ZNF679: variants seen among roughly 807,000 people sequenced by gnomAD.
The protein encoded by ZNF679 is zinc finger protein 679, also known as hypothetical protein MGC42415.
In ZNF679, 10 loss-of-function variants were observed where a neutral mutation model predicts 13.4. The observed-to-expected ratio is 0.75, with a 90% confidence interval of 0.46 to 1.27. The LOEUF is 1.27. Among genes scored for constraint, ZNF679 ranks in the 50% most tolerant of loss-of-function variants. ZNF679 has a pLI of 0.00. For missense variants in ZNF679, 525 were observed against 477.8 expected, an observed-to-expected ratio of 1.10 and a Z score of -0.92; for synonymous variants, 179 against 162.5, an observed-to-expected ratio of 1.10 and a Z score of -0.77.
intron 1 of ZNF679, among the ~76,000 whole-genome samples, chr7:64,235,737 C>A (rs1051574392): frequency 6.6e-6 from 1 of 150,708 alleles, no homozygotes; most frequent in Admixed American, 6.6e-5. Context: ...TGCCATGAGC[C>A]GAGATCATGC....
chr7:64,254,522 G>T (rs1237518942), intron 2 of ZNF679, among the ~76,000 whole-genome samples: 1 of 151,410 alleles, frequency 6.6e-6, no homozygotes, highest in Non-Finnish European at 1.5e-5. Context: ...ACTGTTTCTT[G>T]GTTGCATGTT....
rs113389390 is a variant in ZNF679, at chr7:64,235,988, C to T, written c.-91+7336C>T. 0.015 allele frequency among the ~76,000 whole-genome samples: 2,285 copies of T among 152,100 alleles called. 102 individuals carry two copies. In the East Asian group the frequency reaches 0.16, roughly 11 times the overall value. On this transcript the variant is annotated intron_variant, in intron 1 of 4. Coordinates refer to ENST00000421025, the MANE Select transcript of ZNF679 (RefSeq NM_153363.3). ...TTTCTTTTTTTAAAAAAGAAGAGGC[C>T]GGGCGTGGTGCCTCACGCCTGTAAT...
chr7:64,228,882 T>TC (rs1787597577), intron 1 of ZNF679, among the ~76,000 whole-genome samples: 2 of 152,216 alleles, frequency 1.3e-5, no homozygotes, highest in Non-Finnish European at 1.5e-5. Context: ...ACCTCAACAG[T>TC]GAGCTGTGTC....
Position 64,266,660 on chromosome 7 carries a change from A to G in ZNF679, c.1027A>G (p.Lys343Glu). 6.2e-7 allele frequency: 1 copy of G among 1,613,776 alleles called. No homozygotes were observed. The highest frequency in any genetic ancestry group is 1.6e-4 in the Middle Eastern group (1 of 6,062). The change falls in exon 5 of 5, where the codon AAG (lysine) becomes GAG (glutamate). Residue 343 changes from lysine to glutamate, a missense_variant. By Grantham distance (56) the Lys-to-Glu change is moderately conservative (BLOSUM62 1). Coordinates refer to ENST00000421025, the MANE Select transcript of ZNF679 (RefSeq NM_153363.3). ...CTGCTCCTCAACCCTTAAGAAACAT[A>G]AGATAATTCATACTGGAGAGAAACC... ...FNCSSTLKKH[K>E]IIHTGEKPYK...
intron 2 of ZNF679, among the ~76,000 whole-genome samples, chr7:64,250,746 AC>A (rs1787934906): frequency 6.7e-6 from 1 of 149,172 alleles, no homozygotes; most frequent in Non-Finnish European, 1.5e-5. Context: ...GCACCACCAC[AC>A]CCAGCTAATT....
At chr7:64,242,227 G>A (rs1160554708) in intron 1 of ZNF679, among the ~76,000 whole-genome samples, 57 of 152,174 alleles carry the variant, frequency 3.7e-4, no homozygotes, top group Admixed American at 3.5e-3. Flanking sequence ...GACATTTTAC[G>A]AAGGCTGTGT....
intron 1 of ZNF679, among the ~76,000 whole-genome samples, chr7:64,242,987 C>A (rs1421316486): frequency 6.6e-6 from 1 of 152,118 alleles, no homozygotes; most frequent in Non-Finnish European, 1.5e-5. Flanking sequence ...AGAGTCAGGA[C>A]CTCACCAGTA....
intron 1 of ZNF679, among the ~76,000 whole-genome samples, chr7:64,233,664 A>G (rs1419346961): frequency 6.6e-6 from 1 of 152,104 alleles, no homozygotes; most frequent in African/African-American, 2.4e-5. Context: ...TCCATCCATA[A>G]CAGGGGAAGG....
rs1195901492 is a variant in ZNF679, at chr7:64,266,006, G to T, written c.373G>T (p.Val125Leu). 1 of 1,613,492 alleles carries T rather than the reference G, an allele frequency of 6.2e-7. No individual in the cohort carries two copies. Among genetic ancestry groups the T allele is most frequent in the South Asian group, 1.1e-5 (1 of 91,066 alleles). ...YGKSGHDNLQ[V>L]KTCKSMGECE... The stretch of plus-strand genomic sequence containing the variant: ...AAAAAGTGGACATGACAATTTACAA[G>T]TAAAAACATGTAAAAGCATGGGTGA... The change falls in exon 5 of 5, where the codon GTA becomes TTA. Residue 125 changes from valine (V) to leucine (L), a missense_variant. By Grantham distance (32) the Val-to-Leu change is conservative. Coordinates refer to ENST00000421025, the MANE Select transcript of ZNF679 (RefSeq NM_153363.3).
intron 1 of ZNF679, among the ~76,000 whole-genome samples, chr7:64,239,409 G>A (rs976652882): frequency 3.3e-5 from 5 of 152,116 alleles, no homozygotes; most frequent in African/African-American, 1.2e-4. Context: ...GGGGAAATGT[G>A]GGTAATTGGG....
chr7:64,245,563 T>G (rs4571611), intron 1 of ZNF679, among the ~76,000 whole-genome samples: 4,915 of 152,182 alleles, frequency 0.032, 171 homozygotes, highest in East Asian at 0.17. Flanking sequence ...TTAGGTGATC[T>G]CTTGTTGGTT....
At chr7:64,238,012 A>G (rs1013685912) in intron 1 of ZNF679, among the ~76,000 whole-genome samples, 3 of 152,208 alleles carry the variant, frequency 2.0e-5, no homozygotes, top group Admixed American at 2.0e-4. Context: ...TACTGCAAAG[A>G]AAGATCCTTA....
intron 2 of ZNF679, among the ~76,000 whole-genome samples, chr7:64,255,013 A>AG (rs1554372347): frequency 6.6e-6 from 1 of 150,460 alleles, no homozygotes; most frequent in Non-Finnish European, 1.5e-5. Context: ...AAAAAAAAAA[A>AG]AAAAGAAAAA....
chr7:64,240,205 A>C (rs1787779071), intron 1 of ZNF679, among the ~76,000 whole-genome samples: 1 of 152,102 alleles, frequency 6.6e-6, no homozygotes, highest in Non-Finnish European at 1.5e-5. Context: ...CCAATCATAA[A>C]AGTGATGTGT....
At chr7:64,247,033 T>C (rs540565281) in intron 1 of ZNF679, among the ~76,000 whole-genome samples, 1 of 152,306 alleles carries the variant, frequency 6.6e-6, no homozygotes, top group Non-Finnish European at 1.5e-5. Context: ...AAGGTCACTT[T>C]CTGATGTTGC....
intron 4 of ZNF679, among the ~76,000 whole-genome samples, chr7:64,265,392 A>G (rs184164154): frequency 1.3e-5 from 2 of 152,312 alleles, no homozygotes; most frequent in East Asian, 1.9e-4. Context: ...CTATCCATGT[A>G]CTACAGTCTT....
intron 1 of ZNF679, among the ~76,000 whole-genome samples, chr7:64,241,270 G>A (rs1417244067): frequency 6.6e-6 from 1 of 151,726 alleles, no homozygotes; most frequent in East Asian, 1.9e-4. Context: ...ATATCTTCAG[G>A]TATGAGTCAT....
At chr7:64,241,475 T>C (rs1233347498) in intron 1 of ZNF679, among the ~76,000 whole-genome samples, 6 of 152,200 alleles carry the variant, frequency 3.9e-5, no homozygotes, top group Non-Finnish European at 8.8e-5. Flanking sequence ...CCCAGCGATA[T>C]GTCACAATGT....
At chr7:64,229,865 T>A (rs140187132) in intron 1 of ZNF679, among the ~76,000 whole-genome samples, 1,808 of 152,290 alleles carry the variant, frequency 0.012, 14 homozygotes, top group Non-Finnish European at 0.02. Context: ...CAGGGATATG[T>A]CAGCATTCTC....
Sources: gnomAD v4.1 joint callset for allele counts (sites outside exome capture counted in the v4.1 genomes callset) on GRCh38, gnomAD v4.1.1 for gene constraint, MANE v1.5 for transcripts, NCBI Gene and HGNC (gene_info 2026-07-23, HGNC 2026-07-21) for gene names.